The following LTBP1 variants were observed in gnomAD, a reference collection of about 807,000 sequenced individuals.
LTBP1 encodes the protein latent-transforming growth factor beta-binding protein 1.
In LTBP1, 129 loss-of-function variants were observed where a neutral mutation model predicts 207.6. That is an observed-to-expected ratio of 0.62 (90% CI 0.54 to 0.72). The LOEUF is 0.72. Among genes scored for constraint, LTBP1 ranks in the 30% least tolerant of loss-of-function variants. The probability of loss-of-function intolerance (pLI) is 0.00; values close to 1 mark genes in which losing one functional copy is unlikely to be tolerated. For synonymous variants in LTBP1, 963 were observed against 833.7 expected, an observed-to-expected ratio of 1.16 and a Z score of -2.67; for missense variants, 2,281 against 2,217.2, an observed-to-expected ratio of 1.03 and a Z score of -0.58.
At chr2:33,271,388 GA>G (rs900038371) in intron 15 of LTBP1, among the ~76,000 whole-genome samples, 2 of 151,862 alleles carry the variant, frequency 1.3e-5, no homozygotes, top group African/African-American at 2.4e-5. Context: ...AACCACCCGG[GA>G]AAAAACCCAA....
chr2:33,205,693 G>A lies in LTBP1; in HGVS notation c.1702-11859G>A, dbSNP rs144968640. On this transcript the variant is annotated intron_variant, in intron 7 of 33. Coordinates refer to ENST00000404816, the MANE Select transcript of LTBP1 (RefSeq NM_206943.4). ...ATGAGTCCCATGGCCATACCTATTA[G>A]TGCTATTGATGGAATTATGCCTCCC... Among the ~76,000 whole-genome samples, 3 of 152,286 alleles carry A rather than the reference G, an allele frequency of 2.0e-5. No homozygotes were observed. In the East Asian group the frequency reaches 5.8e-4, roughly 29 times the overall value.
chr2:33,175,389 A>G (rs546324352), intron 5 of LTBP1, among the ~76,000 whole-genome samples: 1 of 152,074 alleles, frequency 6.6e-6, no homozygotes, highest in African/African-American at 2.4e-5. Context: ...TGCAGCCAAA[A>G]GACACATGAA....
At chr2:33,262,612 C>G (rs2093049361) in intron 13 of LTBP1, 110 bp from the exon 14 acceptor site, 2 of 297,560 alleles carry the variant, frequency 6.7e-6, no homozygotes, top group Middle Eastern at 9.3e-4. Context: ...CTTTGCCTTT[C>G]TAAGAATATA....
chr2:32,998,539 AAAAAAAAG>A lies in LTBP1; in HGVS notation c.566-22369_566-22362del, dbSNP rs1169780310. Among the ~76,000 whole-genome samples, 36 of 149,000 alleles carry A rather than the reference AAAAAAAAG, an allele frequency of 2.4e-4. 2 individuals are homozygous for A. The South Asian group carries it at 7.0e-3, about 29-fold the overall frequency. On this transcript the variant is annotated intron_variant, in intron 2 of 33. Coordinates refer to ENST00000404816, the MANE Select transcript of LTBP1 (RefSeq NM_206943.4). ...AAAAAAAAAAAAAAAAAAAAAAAAA[AAAAAAAAG>A]GTTGTTATGAACTGAATGTTTGTGT...
intron 7 of LTBP1, among the ~76,000 whole-genome samples, chr2:33,211,120 G>C (rs980149369): frequency 6.6e-6 from 1 of 152,086 alleles, no homozygotes; most frequent in African/African-American, 2.4e-5. Flanking sequence ...CAATTAATAA[G>C]AGTATTTCAG....
At chr2:33,364,488 A>G (rs114740600) in intron 30 of LTBP1, 132 bp downstream of exon 30, 505 of 840,548 alleles carry the variant, frequency 6.0e-4, no homozygotes, top group Non-Finnish European at 7.7e-4. Context: ...AATGAGATAC[A>G]ATGAGATACT....
Position 33,040,902 on chromosome 2 carries a change from T to C in LTBP1, c.863+19696T>C, listed in dbSNP as rs78765606. ...CACCTGGGAGACTCAGGATAGCAGC[T>C]CTTTACCATTTGCTATGGAAGAAGT... On this transcript the variant is annotated intron_variant, in intron 3 of 33. Coordinates refer to ENST00000404816, the MANE Select transcript of LTBP1 (RefSeq NM_206943.4). Among the ~76,000 whole-genome samples the C allele has an allele frequency of 7.7e-3, 1,170 of 152,290 alleles. 14 individuals are homozygous for C. Among genetic ancestry groups the C allele is most frequent in the African/African-American group, 0.026 (1,082 of 41,554 alleles).
At chr2:33,277,168 T>C (rs944129169) in intron 18 of LTBP1, among the ~76,000 whole-genome samples, 1 of 152,170 alleles carries the variant, frequency 6.6e-6, no homozygotes, top group African/African-American at 2.4e-5. Context: ...GAGGGAGAGC[T>C]AATTAGACAT....
At chr2:33,230,483 A>G (rs962268632) in intron 9 of LTBP1, among the ~76,000 whole-genome samples, 2 of 152,144 alleles carry the variant, frequency 1.3e-5, no homozygotes, top group Admixed American at 1.3e-4. Context: ...GAATTGTTAT[A>G]ATTTGCTTCA....
rs562837085 is a variant in LTBP1 at position 32,978,385 on chromosome 2, C to T, written c.565+29440C>T. Among the ~76,000 whole-genome samples, 3 of 152,080 alleles carry T rather than the reference C, an allele frequency of 2.0e-5. No homozygotes were observed. In the East Asian group the frequency reaches 5.8e-4, roughly 29 times the overall value. On this transcript the variant is annotated intron_variant, in intron 2 of 33. Transcript: ENST00000404816. ...ACTCAGGTATGTTTTTTTCTATACC[C>T]AGTTGTTTGAGTGCTTTTTTTCATG... is the stretch of plus-strand genomic sequence containing the variant.
intron 7 of LTBP1, among the ~76,000 whole-genome samples, chr2:33,211,694 C>T (rs941355437): frequency 1.3e-5 from 2 of 152,156 alleles, no homozygotes; most frequent in African/African-American, 2.4e-5. Context: ...TAGGTACCAG[C>T]GATTTTAATA....
chr2:33,243,925 C>A lies in LTBP1; in HGVS notation c.1999+141C>A, dbSNP rs1046987541. 7 of 884,532 alleles carry A rather than the reference C, an allele frequency of 7.9e-6. No individual in the cohort carries two copies. In the African/African-American group the frequency reaches 1.0e-4, roughly 13 times the overall value. 54.8% of individuals were successfully genotyped at this position (884,532 alleles called of 1,614,324 possible). On this transcript the variant is annotated intron_variant, in intron 10 of 33. Coordinates refer to ENST00000404816, the MANE Select transcript of LTBP1 (RefSeq NM_206943.4). ...ATTAATTAAAATAACAAGCAAGGGG[C>A]CTGCCTGATGTAGTAAAATAAATTG...
chr2:33,217,410 C>T, intron 7 of LTBP1, 142 bp from the exon 8 acceptor site: 6 of 504,392 alleles, frequency 1.2e-5, no homozygotes, highest in Middle Eastern at 5.3e-4. Flanking sequence ...ATTTTCTTTC[C>T]AAGTTTTATA....
chr2:33,281,637 G>A (rs2093561172), intron 19 of LTBP1, among the ~76,000 whole-genome samples: 1 of 152,196 alleles, frequency 6.6e-6, no homozygotes, highest in Non-Finnish European at 1.5e-5. Context: ...AGACTCTGTA[G>A]CTGGTACGGA....
chr2:32,958,375 C>G (rs1240234600), intron 2 of LTBP1, among the ~76,000 whole-genome samples: 1 of 152,196 alleles, frequency 6.6e-6, no homozygotes, highest in East Asian at 1.9e-4. Context: ...CTCCTGGGTA[C>G]CACTGCTTCT....
intron 3 of LTBP1, among the ~76,000 whole-genome samples, chr2:33,104,403 C>T (rs528025641): frequency 7.2e-5 from 11 of 152,274 alleles, no homozygotes; most frequent in Admixed American, 5.9e-4. Context: ...TATTTTGGCT[C>T]CTACCATTCC....
intron 3 of LTBP1, among the ~76,000 whole-genome samples, chr2:33,044,830 T>C (rs1438832103): frequency 6.6e-6 from 1 of 152,220 alleles, no homozygotes; most frequent in Non-Finnish European, 1.5e-5. Flanking sequence ...TGGTATCTCA[T>C]TGTGGTTTTG....
chr2:33,071,950 C>T (rs1247704039), intron 3 of LTBP1, among the ~76,000 whole-genome samples: 4 of 152,222 alleles, frequency 2.6e-5, no homozygotes, highest in Admixed American at 2.6e-4. Context: ...TGCACACCAA[C>T]TGAATGTCCT....
intron 3 of LTBP1, among the ~76,000 whole-genome samples, chr2:33,108,497 G>GC (rs1558646769): frequency 1.3e-5 from 2 of 152,116 alleles, no homozygotes; most frequent in East Asian, 3.9e-4. Context: ...GGGAAAAAGG[G>GC]CCCGTCCACA....
Sources: allele counts gnomAD v4.1 joint callset (sites outside exome capture counted in the v4.1 genomes callset), GRCh38; gene constraint gnomAD v4.1.1; transcripts MANE v1.5; gene names NCBI Gene and HGNC (gene_info 2026-07-23, HGNC 2026-07-21).